PAPOLA: variants seen among roughly 807,000 people sequenced by gnomAD.
The protein encoded by PAPOLA is poly(A) polymerase alpha, also known as polynucleotide adenylyltransferase alpha.
PAPOLA carries 15 observed loss-of-function variants against 100.6 expected under a neutral mutation model. The observed-to-expected ratio is 0.15, with a 90% confidence interval of 0.10 to 0.23. The LOEUF (loss-of-function observed/expected upper bound fraction) is 0.23. PAPOLA is among the 10% of genes least tolerant of loss of function. The pLI, the probability that PAPOLA is intolerant of heterozygous loss-of-function variation, is 1.00. For synonymous variants in PAPOLA, 293 were observed against 300.0 expected (o/e 0.98, Z 0.24); for missense variants, 533 against 884.2 (o/e 0.60, Z 5.04).
intron 4 of PAPOLA, chr14:96,527,194 G>T: frequency 2.2e-6 from 1 of 457,580 alleles, no homozygotes; most frequent in Non-Finnish European, 3.8e-6. Flanking sequence ...CTTTCTTTGG[G>T]CTCCCAGTTT....
intron 9 of PAPOLA, chr14:96,533,675 C>T: frequency 3.2e-6 from 1 of 315,354 alleles, no homozygotes; most frequent in South Asian, 1.3e-4. Context: ...CTGCCTTAGT[C>T]TCCTGAGTAG....
At chr14:96,523,740 C>T (rs1193423829) in intron 3 of PAPOLA, among the ~76,000 whole-genome samples, 17 of 152,108 alleles carry the variant, frequency 1.1e-4, no homozygotes, top group Admixed American at 5.9e-4. Flanking sequence ...GTCAAGAGTT[C>T]GAGACAAGCC....
rs1285652874 is a variant in PAPOLA, at chr14:96,503,897, A to G, written c.8+1297A>G. ...CTTCTATCGCAATTTATGTATTTTA[A>G]AAGGATTTTCCATGGCTCCCACCCA... On this transcript the variant is annotated intron_variant, in intron 1 of 21. Coordinates refer to ENST00000216277, the MANE Select transcript of PAPOLA (RefSeq NM_032632.5). Among the ~76,000 whole-genome samples, 4 of 152,142 alleles carry G rather than the reference A, an allele frequency of 2.6e-5. No homozygotes were observed. In the East Asian group the frequency reaches 5.8e-4, roughly 22 times the overall value.
intron 19 of PAPOLA, among the ~76,000 whole-genome samples, chr14:96,559,553 C>CTG: frequency 1.1e-5 from 1 of 94,372 alleles, no homozygotes; most frequent in African/African-American, 5.3e-5. Flanking sequence ...AAATTAACCT[C>CTG]TCTCTCTCTC....
chr14:96,566,091 A>G lies in PAPOLA; in HGVS notation c.*1041A>G. On this transcript the variant is annotated 3_prime_UTR_variant, in exon 22 of 22. Transcript: ENST00000216277. ...GGATGGCCATTTGATCTCTAAAAGGAATTTTGTACACTCCACAGAACTCCT... is the reference window on the plus strand; with the variant it reads ...GGATGGCCATTTGATCTCTAAAAGGGATTTTGTACACTCCACAGAACTCCT... 1 of 395,132 alleles carries G rather than the reference A, an allele frequency of 2.5e-6. No homozygotes were observed. Among genetic ancestry groups the G allele is most frequent in the East Asian group, 3.6e-5 (1 of 27,992 alleles). 24.5% of individuals were successfully genotyped at this position (395,132 alleles called of 1,614,324 possible). A position where few individuals can be genotyped will look rare whatever the true frequency, so the allele number is the denominator to read the frequency against.
intron 3 of PAPOLA, among the ~76,000 whole-genome samples, chr14:96,525,081 A>G (rs1430432265): frequency 6.6e-6 from 1 of 152,234 alleles, no homozygotes; most frequent in Non-Finnish European, 1.5e-5. Flanking sequence ...TAGGGCAAGA[A>G]TCTAACAATA....
chr14:96,528,235 T>G (rs925812945), intron 6 of PAPOLA, among the ~76,000 whole-genome samples: 8 of 152,198 alleles, frequency 5.3e-5, no homozygotes, highest in African/African-American at 1.7e-4. Context: ...AATGAAACCT[T>G]AAGATTGAAA....
chr14:96,542,201 C>T (rs775704111), intron 12 of PAPOLA, 42 bp from the exon 13 acceptor site: 23 of 1,227,090 alleles, frequency 1.9e-5, no homozygotes, highest in South Asian at 1.4e-4. Flanking sequence ...CAGCACAAAG[C>T]GTGTAAATAA....
At chr14:96,532,838 A>G in intron 9 of PAPOLA, 189 bp downstream of exon 9, 2 of 1,327,382 alleles carry the variant, frequency 1.5e-6, no homozygotes, top group Non-Finnish European at 1.9e-6. Context: ...TAGTTTGGCC[A>G]GGATAGTAAG....
chr14:96,526,742 T>G (rs1401533849), intron 4 of PAPOLA: 1 of 152,410 alleles, frequency 6.6e-6, no homozygotes, highest in Non-Finnish European at 1.5e-5. Flanking sequence ...ATTAGTACAT[T>G]ACTTTTGATA....
rs867162961 is a variant in PAPOLA at position 96,558,351 on chromosome 14, C to G, written c.2004+1938C>G. On this transcript the variant is annotated intron_variant, in intron 19 of 21. Transcript: ENST00000216277. ...TGATACTGGTTTGAAGTTGTCACGGCATTTCAGAACTCAAATTTCTTTTGA... is the reference window on the plus strand; with the variant it reads ...TGATACTGGTTTGAAGTTGTCACGGGATTTCAGAACTCAAATTTCTTTTGA... Among the ~76,000 whole-genome samples the G allele has an allele frequency of 7.2e-5, 11 of 152,210 alleles. 1 individual carries two copies. The South Asian group carries it at 1.2e-3, about 17-fold the overall frequency.
At position 96,547,779 on chromosome 14, in the gene PAPOLA, A is replaced by T; in HGVS notation, c.1400-18A>T. Reference sequence around the variant, plus strand: ...TTAAAATGTTTCTATTTCTTGTAACAATTTCCTAATTGTATAGTTTATAGG... The same window carrying T: ...TTAAAATGTTTCTATTTCTTGTAACTATTTCCTAATTGTATAGTTTATAGG... On this transcript the variant is annotated intron_variant, in intron 15 of 21. Transcript: ENST00000216277. 6.4e-7 allele frequency: 1 copy of T among 1,573,092 alleles called. No homozygotes were observed. The highest frequency in any genetic ancestry group is 8.6e-7 in the Non-Finnish European group (1 of 1,160,966).
chr14:96,530,572 A>G (rs1381082837), intron 6 of PAPOLA, among the ~76,000 whole-genome samples: 1 of 151,600 alleles, frequency 6.6e-6, no homozygotes, highest in Non-Finnish European at 1.5e-5. Context: ...TTTTTTTTGT[A>G]GAGATGGAGT....
intron 20 of PAPOLA, among the ~76,000 whole-genome samples, chr14:96,562,260 A>T (rs1901915318): frequency 6.6e-6 from 1 of 152,008 alleles, no homozygotes; most frequent in Admixed American, 6.6e-5. Flanking sequence ...AAAAGTTTAG[A>T]GTGATGGCAT....
chr14:96,523,021 G>T (rs1465857051), intron 3 of PAPOLA, among the ~76,000 whole-genome samples: 5 of 152,142 alleles, frequency 3.3e-5, no homozygotes, highest in Admixed American at 6.5e-5. Flanking sequence ...TACTTATGCA[G>T]TGTATATGTA....
chr14:96,522,194 T>A (rs1438379691), intron 3 of PAPOLA, among the ~76,000 whole-genome samples: 1 of 148,018 alleles, frequency 6.8e-6, no homozygotes, highest in Non-Finnish European at 1.5e-5. Flanking sequence ...CCATCTTGGT[T>A]CGCTGCAACC....
intron 6 of PAPOLA, among the ~76,000 whole-genome samples, chr14:96,529,194 C>T (rs554899475): frequency 5.9e-5 from 9 of 151,984 alleles, no homozygotes; most frequent in African/African-American, 2.2e-4. Flanking sequence ...GAAGTAATTC[C>T]ATCCTTTAAA....
intron 10 of PAPOLA, chr14:96,535,119 T>TA: frequency 5.1e-6 from 5 of 975,280 alleles, no homozygotes; most frequent in Non-Finnish European, 6.1e-6. Flanking sequence ...ATTTACCGCT[T>TA]ACTCATTTTA....
Position 96,565,674 on chromosome 14 carries a change from G to T in PAPOLA, c.*624G>T. On this transcript the variant is annotated 3_prime_UTR_variant, in exon 22 of 22. Transcript: ENST00000216277. ...TGAAAGAATAGTTAGGAAATAACTT[G>T]GTTTTGATAGGGTCATGATTAAGAA... The T allele has an allele frequency of 2.5e-6, 1 of 397,372 alleles. No homozygotes were observed. The highest frequency in any genetic ancestry group is 1.3e-4 in the South Asian group (1 of 7,654). 24.6% of individuals were successfully genotyped at this position (397,372 alleles called of 1,614,324 possible).
Sources: gnomAD v4.1 joint callset for allele counts (sites outside exome capture counted in the v4.1 genomes callset) on GRCh38, gnomAD v4.1.1 for gene constraint, MANE v1.5 for transcripts, NCBI Gene and HGNC (gene_info 2026-07-23, HGNC 2026-07-21) for gene names.